SLC35D4: variants seen among roughly 807,000 people sequenced by gnomAD.
SLC35D4 encodes the protein UDP-N-acetylglucosamine transporter SLC35D4.
the SLC35D4 span, among the ~76,000 whole-genome samples, chr18:23,303,482 A>G: frequency 2.4e-4 from 36 of 152,086 alleles, no homozygotes; most frequent in Non-Finnish European, 4.6e-4. Context: ...ATTTCCTCAC[A>G]CTGGAGAGCT....
chr18:23,254,412 T>G, the SLC35D4 span, among the ~76,000 whole-genome samples: 1 of 152,218 alleles, frequency 6.6e-6, no homozygotes, highest in African/African-American at 2.4e-5. Flanking sequence ...AACATCGATC[T>G]CCTTGGATGG....
At chr18:23,316,096 G>A in the SLC35D4 span, among the ~76,000 whole-genome samples, 1 of 152,174 alleles carries the variant, frequency 6.6e-6, no homozygotes, top group Non-Finnish European at 1.5e-5. Flanking sequence ...ATGCATACAC[G>A]TTAACATGTG....
At chr18:23,357,336 G>C in the SLC35D4 span, among the ~76,000 whole-genome samples, 1 of 152,088 alleles carries the variant, frequency 6.6e-6, no homozygotes, top group East Asian at 1.9e-4. Flanking sequence ...GTTCCACTTG[G>C]TGCAAGAGGA....
At chr18:23,280,196 T>A in the SLC35D4 span, among the ~76,000 whole-genome samples, 2 of 152,236 alleles carry the variant, frequency 1.3e-5, no homozygotes, top group Non-Finnish European at 2.9e-5. Flanking sequence ...GGGCCTCGGC[T>A]GGGGTGGGCG....
chr18:23,252,166 C>A, the SLC35D4 span, among the ~76,000 whole-genome samples: 7 of 151,484 alleles, frequency 4.6e-5, no homozygotes, highest in African/African-American at 1.7e-4. Flanking sequence ...TTACATAAGG[C>A]AAATTTATAG....
At chr18:23,364,902 C>CAAAAAAAAAAAAAAAA in the SLC35D4 span, among the ~76,000 whole-genome samples, 2 of 31,886 alleles carry the variant, frequency 6.3e-5, 1 homozygote, top group African/African-American at 3.6e-4. Context: ...GACTCTGTCT[C>CAAAAAAAAAAAAAAAA]AAAAAAAAAA....
the SLC35D4 span, among the ~76,000 whole-genome samples, chr18:23,362,240 C>A: frequency 6.6e-6 from 1 of 152,228 alleles, no homozygotes; most frequent in Non-Finnish European, 1.5e-5. Flanking sequence ...AAACCAAAAG[C>A]AGCTCCAGAC....
At chr18:23,259,543 A>C in the SLC35D4 span, 1 of 152,128 alleles carries the variant, frequency 6.6e-6, no homozygotes, top group Non-Finnish European at 1.5e-5. Flanking sequence ...TGGCCTGTGG[A>C]TTTGTGGAAT....
At chr18:23,437,908 G>GC in the SLC35D4 span, 3 of 1,551,986 alleles carry the variant, frequency 1.9e-6, no homozygotes, top group South Asian at 1.2e-5. Context: ...TCCCCTGGCC[G>GC]CCGCCCGACC....
the SLC35D4 span, among the ~76,000 whole-genome samples, chr18:23,437,564 T>C: frequency 6.6e-6 from 1 of 152,160 alleles, no homozygotes; most frequent in Non-Finnish European, 1.5e-5. Flanking sequence ...TCCCTGGAGA[T>C]GTACCGTGCT....
chr18:23,295,287 G>T, the SLC35D4 span, among the ~76,000 whole-genome samples: 2 of 151,766 alleles, frequency 1.3e-5, no homozygotes, highest in African/African-American at 4.8e-5. Context: ...GGTGACTGGT[G>T]GATAGGTGCA....
chr18:23,371,571 G>A, the SLC35D4 span: 5 of 911,122 alleles, frequency 5.5e-6, no homozygotes, highest in Non-Finnish European at 8.1e-6. Context: ...TCAGTGCCAA[G>A]CAAGGGTCCC....
At chr18:23,253,844 CAG>C in the SLC35D4 span, 1 of 1,614,114 alleles carries the variant, frequency 6.2e-7, no homozygotes, top group Non-Finnish European at 8.5e-7. Flanking sequence ...ACTCAACAAA[CAG>C]AACCGGAAGC....
chr18:23,247,173 T>A, the SLC35D4 span, among the ~76,000 whole-genome samples: 2 of 152,216 alleles, frequency 1.3e-5, no homozygotes, highest in Non-Finnish European at 2.9e-5. Context: ...GAGGATGCCA[T>A]CTCTTGGCAT....
the SLC35D4 span, chr18:23,373,703 TG>T: frequency 9.9e-6 from 16 of 1,613,698 alleles, no homozygotes; most frequent in Admixed American, 8.3e-5. Context: ...TGAGTTCACT[TG>T]GACTTACCTG....
chr18:23,393,513 C>CT, the SLC35D4 span, among the ~76,000 whole-genome samples: 3 of 152,182 alleles, frequency 2.0e-5, no homozygotes, highest in Admixed American at 6.5e-5. Flanking sequence ...CAGTATTTAT[C>CT]TTTTTTGTGA....
the SLC35D4 span, among the ~76,000 whole-genome samples, chr18:23,340,401 C>T: frequency 3.5e-4 from 53 of 151,978 alleles, no homozygotes; most frequent in South Asian, 1.7e-3. Context: ...GCCAGCAGTA[C>T]ATTATGACAT....
the SLC35D4 span, among the ~76,000 whole-genome samples, chr18:23,428,026 G>C: frequency 2.2e-4 from 34 of 152,200 alleles, no homozygotes; most frequent in African/African-American, 6.7e-4. Context: ...CCATGGGTTG[G>C]GGGGAGAGGG....
At chr18:23,437,731 G>T in the SLC35D4 span, 1 of 1,571,950 alleles carries the variant, frequency 6.4e-7, no homozygotes, top group South Asian at 1.1e-5. Context: ...AAGATTCTCC[G>T]ACTCAAACCT....
Sources: allele counts gnomAD v4.1 joint callset (sites outside exome capture counted in the v4.1 genomes callset), GRCh38; gene constraint gnomAD v4.1.1; transcripts MANE v1.5; gene names NCBI Gene and HGNC (gene_info 2026-07-23, HGNC 2026-07-21).